HADHA: variants seen among roughly 807,000 people sequenced by gnomAD.
HADHA encodes hydroxyacyl-CoA dehydrogenase trifunctional multienzyme complex subunit alpha.
Under a neutral mutation model 91.3 loss-of-function variants are expected in HADHA, and 59 were observed. The observed-to-expected ratio is 0.65, with a 90% CI of 0.52 to 0.80. HADHA has a LOEUF of 0.80. Among genes scored for constraint, HADHA ranks in the 30% least tolerant of loss-of-function variants. The pLI is 0.00. For synonymous variants in HADHA, 320 were observed against 338.9 expected, an observed-to-expected ratio of 0.94 and a Z score of 0.61; for missense variants, 800 against 927.6, an observed-to-expected ratio of 0.86 and a Z score of 1.79.
chr2:26,244,583 C>A lies in HADHA; in HGVS notation c.14G>T (p.Arg5Leu), dbSNP rs1424637860. ...AAAGCGGCTGAGGATGCCAATCGCC[C>A]GGCAGGCCACCATCTTGAGCTGAAG... is the stretch of plus-strand genomic sequence containing the variant. MVAC[R>L]AIGILSRFSA... The change falls in exon 1 of 20, where the codon CGG becomes CTG. Residue 5 changes from arginine (R) to leucine (L), a missense_variant. Transcript: ENST00000380649. 6.3e-7 allele frequency: 1 copy of A among 1,584,516 alleles called. No homozygotes were observed. The highest frequency in any genetic ancestry group is 2.3e-5 in the East Asian group (1 of 43,242).
At chr2:26,212,510 G>T in intron 10 of HADHA, 60 bp downstream of exon 10, 1 of 1,148,922 alleles carries the variant, frequency 8.7e-7, no homozygotes, top group Non-Finnish European at 1.3e-6. Context: ...TTTATACAGA[G>T]GATTGGATCT....
chr2:26,210,409 G>A lies in HADHA; in HGVS notation c.976-520C>T, dbSNP rs540982420. ...CACCCAGGCTGGAGTGCAGTGGCAC[G>A]ATCTCGGCTCACTGCAAGCTCCGCC... On this transcript the variant is annotated intron_variant, in intron 10 of 19. Transcript: ENST00000380649. This position sits in a 1 kb window ranked among gnomAD's most constrained non-coding sequence, Gnocchi z 4.0. 255 of 163,956 alleles carry A rather than the reference G, an allele frequency of 1.6e-3. 1 individual carries two copies. Among genetic ancestry groups the A allele is most frequent in the Middle Eastern group, 0.015 (5 of 326 alleles). 10.2% of individuals were successfully genotyped at this position (163,956 alleles called of 1,614,324 possible). A position where few individuals can be genotyped will look rare whatever the true frequency, so the allele number is the denominator to read the frequency against.
At chr2:26,228,157 G>C (rs144551049) in intron 7 of HADHA, among the ~76,000 whole-genome samples, 1 of 149,756 alleles carries the variant, frequency 6.7e-6, no homozygotes, top group African/African-American at 2.5e-5. Flanking sequence ...TTGAGACAGA[G>C]TCTCGCTCTG....
chr2:26,207,500 G>A (rs1303285879), intron 11 of HADHA, among the ~76,000 whole-genome samples: 9 of 152,162 alleles, frequency 5.9e-5, no homozygotes, highest in African/African-American at 1.7e-4. Context: ...AAATTTTCAT[G>A]ATGGCTTTAT....
rs187697392 is a variant in HADHA at position 26,210,161 on chromosome 2, T to C, written c.976-272A>G. 3.3e-5 allele frequency among the ~76,000 whole-genome samples: 5 copies of C among 152,300 alleles called. No homozygotes were observed. Among genetic ancestry groups the C allele is most frequent in the Admixed American group, 6.5e-5 (1 of 15,298 alleles). ...TCTCAGATTCTTTACACCAGAGGTG[T>C]GGTAACCTTTTTCATAAAACTAGAG... is the stretch of plus-strand genomic sequence containing the variant. On this transcript the variant is annotated intron_variant, in intron 10 of 19. Coordinates refer to ENST00000380649, the MANE Select transcript of HADHA (RefSeq NM_000182.5). The surrounding 1 kb of genome is among the most constrained non-coding windows in gnomAD (Gnocchi z 4.0).
At chr2:26,232,915 C>T (rs1460932136) in intron 5 of HADHA, among the ~76,000 whole-genome samples, 1 of 126,390 alleles carries the variant, frequency 7.9e-6, no homozygotes, top group Non-Finnish European at 1.6e-5. Flanking sequence ...AGTCCCCAAC[C>T]TTTTTGACGC....
In HADHA at chr2:26,193,605, C is replaced by A; in HGVS notation, c.1857G>T (p.Leu619=). The change falls in exon 17 of 20, where the codon CTG becomes CTT. Residue 619 remains leucine (L), a synonymous_variant. Coordinates refer to ENST00000380649, the MANE Select transcript of HADHA (RefSeq NM_000182.5). ...GGAAGCCCTTGGACACCATCTGTGTCAGCAGTTCTGGGTTTCCACCTCCAA... is the reference window on the plus strand; with the variant it reads ...GGAAGCCCTTGGACACCATCTGTGTAAGCAGTTCTGGGTTTCCACCTCCAA... ...ERFGGGNPEL[L]TQMVSKGFLG... is the part of the protein sequence containing the mutation. The A allele has an allele frequency of 6.2e-7, 1 of 1,613,988 alleles. No homozygotes were observed. The highest frequency in any genetic ancestry group is 8.5e-7 in the Non-Finnish European group (1 of 1,179,868).
chr2:26,195,272 G>A (rs779980351), intron 14 of HADHA, 40 bp from the exon 15 acceptor site: 33 of 1,576,516 alleles, frequency 2.1e-5, no homozygotes, highest in African/African-American at 2.7e-5. Context: ...CGGAGAATGC[G>A]GGTGAGGAAC....
At chr2:26,243,364 C>T (rs542299311) in intron 1 of HADHA, 1 of 152,086 alleles carries the variant, frequency 6.6e-6, no homozygotes, top group East Asian at 1.9e-4. Flanking sequence ...GAAGGCTAAC[C>T]GTAGGTAAGC....
intron 7 of HADHA, among the ~76,000 whole-genome samples, chr2:26,224,335 C>G (rs1449999514): frequency 6.6e-6 from 1 of 152,164 alleles, no homozygotes; most frequent in Admixed American, 6.5e-5. Context: ...TAATTATTTA[C>G]TCTGATATTT....
Position 26,221,750 on chromosome 2 carries a change from C to A in HADHA, c.677-6575G>T, listed in dbSNP as rs911513559. Among the ~76,000 whole-genome samples the A allele has an allele frequency of 2.0e-5, 3 of 152,166 alleles. No individual in the cohort carries two copies. The highest frequency in any genetic ancestry group is 7.2e-5 in the African/African-American group (3 of 41,422). ...GATATTTCTGTGTGATACGCAGGTACCACCTGGAAGTGCACAGCTGTAACA... is the reference window on the plus strand; with the variant it reads ...GATATTTCTGTGTGATACGCAGGTAACACCTGGAAGTGCACAGCTGTAACA... On this transcript the variant is annotated intron_variant, in intron 7 of 19. Transcript: ENST00000380649. This position sits in a 1 kb window ranked among gnomAD's most constrained non-coding sequence, Gnocchi z 4.8.
At chr2:26,193,866 A>G in intron 16 of HADHA, 94 bp from the exon 17 acceptor site, 1 of 968,368 alleles carries the variant, frequency 1.0e-6, no homozygotes, top group South Asian at 1.3e-5. Flanking sequence ...GCCTTGTGTA[A>G]AACCCACTTC....
chr2:26,240,365 C>G (rs574677950), intron 1 of HADHA, among the ~76,000 whole-genome samples: 1 of 152,146 alleles, frequency 6.6e-6, no homozygotes, highest in South Asian at 2.1e-4. Flanking sequence ...TCCAGGTCAG[C>G]AGGGGATATG....
At chr2:26,203,643 T>C (rs1211636266) in intron 12 of HADHA, among the ~76,000 whole-genome samples, 1 of 152,210 alleles carries the variant, frequency 6.6e-6, no homozygotes, top group African/African-American at 2.4e-5. Context: ...CCTTACATCC[T>C]AACCTCACTC....
intron 17 of HADHA, among the ~76,000 whole-genome samples, chr2:26,193,182 C>T (rs929027090): frequency 6.6e-6 from 1 of 151,818 alleles, no homozygotes; most frequent in Non-Finnish European, 1.5e-5. Context: ...GATAAAAATG[C>T]TTGTCCATCT....
chr2:26,208,295 A>G (rs910769466), intron 11 of HADHA, among the ~76,000 whole-genome samples: 1 of 151,512 alleles, frequency 6.6e-6, no homozygotes, highest in African/African-American at 2.4e-5. Context: ...TTTTTTTCTT[A>G]TATTAGCTTT....
At chr2:26,239,678 C>CA (rs905061204) in intron 1 of HADHA, among the ~76,000 whole-genome samples, 6 of 145,680 alleles carry the variant, frequency 4.1e-5, no homozygotes, top group Admixed American at 6.9e-5. Flanking sequence ...AGAGAAGGCA[C>CA]AAAAAATAGC....
chr2:26,242,452 A>G (rs1441901920), intron 1 of HADHA, among the ~76,000 whole-genome samples: 1 of 152,240 alleles, frequency 6.6e-6, no homozygotes, highest in Non-Finnish European at 1.5e-5. Context: ...ATATATTTCT[A>G]TACAGAAAAC....
At chr2:26,212,495 T>C in intron 10 of HADHA, 75 bp downstream of exon 10, 1 of 1,068,274 alleles carries the variant, frequency 9.4e-7, no homozygotes, top group Non-Finnish European at 1.5e-6. Flanking sequence ...TTTTCCTTTT[T>C]CAGCTTTATA....
Sources: gnomAD v4.1 joint callset for allele counts (sites outside exome capture counted in the v4.1 genomes callset) on GRCh38, gnomAD v4.1.1 for gene constraint, Gnocchi (gnomAD v3.1) non-coding constraint, MANE v1.5 for transcripts, NCBI Gene and HGNC (gene_info 2026-07-23, HGNC 2026-07-21) for gene names.